ERC2: variants seen among roughly 807,000 people sequenced by gnomAD.
ERC2 encodes ELKS/RAB6-interacting/CAST family member 2.
ERC2 carries 42 observed loss-of-function variants against 114.8 expected under a neutral mutation model. The observed-to-expected ratio is 0.37, with a 90% CI of 0.29 to 0.47. The LOEUF (loss-of-function observed/expected upper bound fraction) is 0.47. ERC2 is among the 20% of genes least tolerant of loss of function. The pLI is 0.99. For missense variants in ERC2, 939 were observed against 1,150.7 expected (o/e 0.82, Z 2.66); for synonymous variants, 454 against 425.5 (o/e 1.07, Z -0.82).
intron 14 of ERC2, among the ~76,000 whole-genome samples, chr3:55,748,034 G>A (rs866110203): frequency 2.6e-5 from 4 of 152,206 alleles, no homozygotes; most frequent in Non-Finnish European, 2.9e-5. Context: ...CAGAAGGAAA[G>A]GGTCTGGTAA....
intron 17 of ERC2, among the ~76,000 whole-genome samples, chr3:55,525,626 C>T (rs988252085): frequency 5.3e-5 from 8 of 152,134 alleles, no homozygotes; most frequent in Non-Finnish European, 1.2e-4. Context: ...ACCCAGTGAA[C>T]CTCAAGCACC....
intron 14 of ERC2, among the ~76,000 whole-genome samples, chr3:55,864,184 CAT>C (rs113564429): frequency 1.6e-3 from 215 of 134,536 alleles, no homozygotes; most frequent in Middle Eastern, 7.7e-3. Flanking sequence ...TATATATACA[CAT>C]ATATATATAC....
At chr3:56,087,179 TTGTGTGTGTGTGTG>T (rs59471652) in intron 6 of ERC2, among the ~76,000 whole-genome samples, 4 of 147,374 alleles carry the variant, frequency 2.7e-5, no homozygotes, top group African/African-American at 7.5e-5. Flanking sequence ...TTTGATCCAT[TTGTGTGTGTGTGTG>T]TGTGTGTGTG....
At chr3:56,458,622 C>A (rs1475686354) in intron 1 of ERC2, among the ~76,000 whole-genome samples, 2 of 152,260 alleles carry the variant, frequency 1.3e-5, no homozygotes, top group Non-Finnish European at 2.9e-5. Flanking sequence ...TCAAACAGGA[C>A]CTATTTTCAA....
intron 6 of ERC2, among the ~76,000 whole-genome samples, chr3:56,113,473 T>C (rs2079068665): frequency 6.6e-6 from 1 of 152,194 alleles, no homozygotes; most frequent in Non-Finnish European, 1.5e-5. Flanking sequence ...AATGCCCACA[T>C]ATGGAAATTC....
At chr3:56,168,829 A>G (rs1359193080) in intron 4 of ERC2, among the ~76,000 whole-genome samples, 1 of 152,236 alleles carries the variant, frequency 6.6e-6, no homozygotes, top group Non-Finnish European at 1.5e-5. Context: ...TATTTTTATA[A>G]CAAAAAATTA....
chr3:56,206,611 A>G (rs2048753561), intron 3 of ERC2, among the ~76,000 whole-genome samples: 1 of 152,220 alleles, frequency 6.6e-6, no homozygotes, highest in Non-Finnish European at 1.5e-5. Context: ...AAATATAGGT[A>G]TGAGGGTACT....
chr3:55,636,291 T>C (rs1288775472), intron 17 of ERC2, among the ~76,000 whole-genome samples: 3 of 152,068 alleles, frequency 2.0e-5, no homozygotes, highest in Non-Finnish European at 4.4e-5. Context: ...TGTCAAAGAG[T>C]AAGGCTGACA....
At chr3:56,332,152 G>GCA (rs4061143) in intron 2 of ERC2, among the ~76,000 whole-genome samples, 44,148 of 151,424 alleles carry the variant, frequency 0.29, 6,519 homozygotes, top group Admixed American at 0.32. Context: ...ACACACATGT[G>GCA]CACACACACA....
At chr3:55,674,696 A>T (rs1323107389) in intron 17 of ERC2, among the ~76,000 whole-genome samples, 1 of 152,204 alleles carries the variant, frequency 6.6e-6, no homozygotes, top group African/African-American at 2.4e-5. Flanking sequence ...GGTTTAACTG[A>T]GAAATCTTCT....
At chr3:56,101,714 G>C (rs1041832028) in intron 6 of ERC2, among the ~76,000 whole-genome samples, 1 of 152,184 alleles carries the variant, frequency 6.6e-6, no homozygotes. Context: ...CAGGTCCGGA[G>C]TAGCCATTGT....
chr3:55,588,799 A>G (rs1438262975), intron 17 of ERC2, among the ~76,000 whole-genome samples: 1 of 152,100 alleles, frequency 6.6e-6, no homozygotes, highest in Non-Finnish European at 1.5e-5. Context: ...CTGGGCTCCA[A>G]TGCTTCAGTT....
intron 10 of ERC2, among the ~76,000 whole-genome samples, chr3:55,994,373 T>G: frequency 6.6e-6 from 1 of 152,052 alleles, no homozygotes. Flanking sequence ...TTCTTATTAT[T>G]ATAGTCCGTT....
At chr3:56,015,070 A>C (rs984329874) in intron 8 of ERC2, among the ~76,000 whole-genome samples, 2 of 152,204 alleles carry the variant, frequency 1.3e-5, no homozygotes, top group African/African-American at 2.4e-5. Context: ...TTTATTAACC[A>C]GCAACTGTTT....
At chr3:56,146,098 C>T (rs9853630) in intron 5 of ERC2, among the ~76,000 whole-genome samples, 7,634 of 151,994 alleles carry the variant, frequency 0.05, 196 homozygotes, top group Middle Eastern at 0.078. Flanking sequence ...ACCAGCCTGA[C>T]CAACATGGTG....
At chr3:55,742,032 G>A (rs1559581077) in intron 14 of ERC2, among the ~76,000 whole-genome samples, 1 of 151,718 alleles carries the variant, frequency 6.6e-6, no homozygotes, top group African/African-American at 2.4e-5. Context: ...CTGTCATTCA[G>A]TGTGTAGGAG....
chr3:56,109,849 C>T (rs1332722075), intron 6 of ERC2, among the ~76,000 whole-genome samples: 1 of 152,132 alleles, frequency 6.6e-6, no homozygotes, highest in Non-Finnish European at 1.5e-5. Context: ...AATTAGAAGA[C>T]AGGACTTATC....
chr3:56,343,188 T>TCACACACACA (rs1247948473), intron 2 of ERC2, among the ~76,000 whole-genome samples: 77 of 31,418 alleles, frequency 2.5e-3, no homozygotes, highest in Admixed American at 5.9e-3. Flanking sequence ...TCTCTCTCTC[T>TCACACACACA]CTCTCACACA....
intron 17 of ERC2, among the ~76,000 whole-genome samples, chr3:55,618,796 G>T (rs1483171969): frequency 2.0e-5 from 3 of 152,078 alleles, no homozygotes; most frequent in Admixed American, 1.3e-4. Flanking sequence ...AAACACTAAA[G>T]CAGAACAATA....
Sources: gnomAD v4.1 joint callset for allele counts (sites outside exome capture counted in the v4.1 genomes callset) on GRCh38, gnomAD v4.1.1 for gene constraint, MANE v1.5 for transcripts, NCBI Gene and HGNC (gene_info 2026-07-23, HGNC 2026-07-21) for gene names.